Variants in UTY observed in about 807,000 individuals in gnomAD.
UTY encodes the protein histone demethylase UTY.
A neutral mutation model predicts 32.5 loss-of-function variants in UTY; 12 were observed. That is an observed-to-expected ratio of 0.37 (90% CI 0.24 to 0.60). UTY has a LOEUF of 0.60. Ranked by LOEUF, UTY falls within the 20% of genes least tolerant of loss-of-function variation. The pLI, the probability that UTY is intolerant of heterozygous loss-of-function variation, is 0.69. For missense variants in UTY, 303 were observed against 299.2 expected (o/e 1.01, Z -0.09); for synonymous variants, 131 against 103.4 (o/e 1.27, Z -1.62).
At chrY:13,446,619 T>TAGATAGATAGATAGAC (rs1556515298) in intron 4 of UTY, among the ~76,000 whole-genome samples, 2 of 14,269 alleles carry the variant, frequency 1.4e-4, no homozygotes, top group Admixed American at 6.9e-4. Context: ...GATAGATAGA[T>TAGATAGATAGATAGAC]AGACAGACAG....
intron 4 of UTY, among the ~76,000 whole-genome samples, chrY:13,424,622 C>A: frequency 3.1e-5 from 1 of 32,381 alleles, no homozygotes; most frequent in African/African-American, 1.2e-4. Flanking sequence ...GAGGCTGAGG[C>A]AGGAGAATCG....
chrY:13,305,231 T>C (rs2058610915), intron 24 of UTY, among the ~76,000 whole-genome samples, 168 bp downstream of exon 24: 1 of 32,828 alleles, frequency 3.0e-5, no homozygotes, highest in African/African-American at 1.2e-4. Flanking sequence ...GGAAAAACAA[T>C]ACCCTGAGCT....
intron 2 of UTY, among the ~76,000 whole-genome samples, chrY:13,470,739 T>C: frequency 6.0e-5 from 2 of 33,230 alleles, no homozygotes; most frequent in Non-Finnish European, 1.5e-4. Context: ...CTTGAAAAGA[T>C]CATATGCTCA....
Position 13,251,147 on chromosome Y carries a change from T to A in UTY, c.4178A>T (p.Asn1393Ile). Residue 1393 changes from asparagine to isoleucine, a missense_variant, in exon 29 of 30, where the codon AAT (asparagine) becomes ATT (isoleucine). By Grantham distance (149) the Asn-to-Ile change is moderately radical (BLOSUM62 -3). Coordinates refer to ENST00000545955, the MANE Select transcript of UTY (RefSeq NM_001258249.2). ...ATGTACTATGTAGGTTTTTTGAGTA[T>A]TGCTTTCATTAGTGACAAAAAGCAG... ...FNLLFVTNES[N>I]TQKTYIVHCH... The A allele has an allele frequency of 2.5e-6, 1 of 394,074 alleles. No homozygotes were observed. Among genetic ancestry groups the A allele is most frequent in the Non-Finnish European group, 3.6e-6 (1 of 281,296 alleles).
rs2149008050 is a variant in UTY, at chrY:13,331,395, A to G, written c.2834+4168T>C. Among the ~76,000 whole-genome samples, 3 of 34,103 alleles carry G rather than the reference A, an allele frequency of 8.8e-5. No homozygotes were observed. The East Asian group carries it at 2.3e-3, about 26-fold the overall frequency. The allele number at this position is 34,103 out of a possible 37,273, so 91.5% of individuals were successfully genotyped here. A position where few individuals can be genotyped will look rare whatever the true frequency, so the allele number is the denominator to read the frequency against. ...GTTAGAAGAAAAAACAACGTCATCA[A>G]TAAAAAGGACCTTCACACAAAAGCC... On this transcript the variant is annotated intron_variant, in intron 18 of 29. Transcript: ENST00000545955.
At chrY:13,308,590 G>T (rs2058831651) in intron 21 of UTY, among the ~76,000 whole-genome samples, 1 of 32,852 alleles carries the variant, frequency 3.0e-5, no homozygotes, top group Non-Finnish European at 7.4e-5. Flanking sequence ...CTGCACTCCA[G>T]CCTGGGCAAC....
chrY:13,446,619 T>TAGATAGATAGATAGACAGAC (rs1556515298), intron 4 of UTY, among the ~76,000 whole-genome samples: 2 of 14,268 alleles, frequency 1.4e-4, no homozygotes, highest in African/African-American at 2.0e-4. Flanking sequence ...GATAGATAGA[T>TAGATAGATAGATAGACAGAC]AGACAGACAG....
At chrY:13,323,521 G>A in intron 21 of UTY, 34 bp downstream of exon 21, 1 of 344,702 alleles carries the variant, frequency 2.9e-6, no homozygotes, top group South Asian at 3.1e-5. Flanking sequence ...TTAAAAAATA[G>A]CAACAATTAA....
intron 28 of UTY, among the ~76,000 whole-genome samples, chrY:13,257,251 G>T: frequency 3.0e-5 from 1 of 33,797 alleles, no homozygotes; most frequent in Non-Finnish European, 7.3e-5. Flanking sequence ...CTTTTGCAGT[G>T]TTTTGCGGTG....
chrY:13,324,382 T>A, intron 20 of UTY, among the ~76,000 whole-genome samples: 1 of 33,153 alleles, frequency 3.0e-5, no homozygotes, highest in African/African-American at 1.2e-4. Flanking sequence ...TATCTGTTAT[T>A]ATCCGTATAT....
chrY:13,450,503 C>A, intron 3 of UTY, among the ~76,000 whole-genome samples: 3 of 33,284 alleles, frequency 9.0e-5, no homozygotes. Flanking sequence ...ATTTCCCCTA[C>A]TCAGCTCAGT....
intron 6 of UTY, among the ~76,000 whole-genome samples, chrY:13,404,974 A>C: frequency 3.0e-5 from 1 of 33,239 alleles, no homozygotes; most frequent in Admixed American, 2.8e-4. Flanking sequence ...AGTTTATTGC[A>C]GTATTATTCA....
At chrY:13,244,159 C>T, downstream of UTY, among the ~76,000 whole-genome samples, 3 of 32,142 alleles carry the variant, frequency 9.3e-5, no homozygotes, top group East Asian at 8.1e-4. Flanking sequence ...GTAAACATTG[C>T]GTGCTCTCAT....
chrY:13,322,231 A>G, intron 21 of UTY, among the ~76,000 whole-genome samples: 1 of 33,857 alleles, frequency 3.0e-5, no homozygotes, highest in Non-Finnish European at 7.3e-5. Context: ...TAAAAAAGTT[A>G]GTTTTCTACA....
rs757972234 is a variant in UTY, at chrY:13,429,724, G to T, written c.376-14931C>A. 4.3e-4 allele frequency among the ~76,000 whole-genome samples: 14 copies of T among 32,378 alleles called. No individual in the cohort carries two copies. The East Asian group carries it at 0.011, about 26-fold the overall frequency. 86.9% of individuals were successfully genotyped at this position (32,378 alleles called of 37,273 possible). ...TGCCTGCACCACCCTAACTCATTCC[G>T]ATTTCCTGCTCCACCCTAACTAATT... On this transcript the variant is annotated intron_variant, in intron 4 of 29. Transcript: ENST00000545955.
intron 27 of UTY, among the ~76,000 whole-genome samples, chrY:13,264,607 GT>G (rs2055594352): frequency 6.2e-5 from 2 of 32,373 alleles, no homozygotes; most frequent in African/African-American, 1.2e-4. Flanking sequence ...ACTTTTTGAA[GT>G]TTTTTTTTCT....
chrY:13,396,947 C>T lies in UTY; in HGVS notation c.581G>A (p.Cys194Tyr). ...AGCATTGGACAAAGTACATGGATTA[C>T]AGTCAATCAAGGCTAACTGAAAATG... ...LKHFQLALID[C>Y]NPCTLSNAEI... Residue 194 changes from cysteine (C) to tyrosine (Y), a missense_variant, in exon 7 of 30, where the codon TGT becomes TAT. Transcript: ENST00000545955. 1 of 370,069 alleles carries T rather than the reference C, an allele frequency of 2.7e-6. No homozygotes were observed. Among genetic ancestry groups the T allele is most frequent in the Non-Finnish European group, 3.7e-6 (1 of 267,782 alleles). The allele number at this position is 370,069 out of a possible 400,897, so 92.3% of individuals were successfully genotyped here.
At chrY:13,432,993 T>C (rs754100951) in intron 4 of UTY, among the ~76,000 whole-genome samples, 2 of 33,479 alleles carry the variant, frequency 6.0e-5, no homozygotes, top group South Asian at 1.3e-3. Flanking sequence ...GTAAATTCAA[T>C]AGGCAAAAGC....
chrY:13,257,897 C>G (rs1603255088), intron 28 of UTY, among the ~76,000 whole-genome samples: 2 of 33,082 alleles, frequency 6.0e-5, no homozygotes, highest in Non-Finnish European at 1.5e-4. Flanking sequence ...AGAAGAAAAC[C>G]TGGGGAAAGC....
Sources: gnomAD v4.1 joint callset for allele counts (sites outside exome capture counted in the v4.1 genomes callset) on GRCh38, gnomAD v4.1.1 for gene constraint, MANE v1.5 for transcripts, NCBI Gene and HGNC (gene_info 2026-07-23, HGNC 2026-07-21) for gene names.